Variants in DCHS2 observed in about 807,000 individuals in gnomAD.
The protein encoded by DCHS2 is protocadherin-23.
DCHS2 carries 142 observed loss-of-function variants against 182.4 expected under a neutral mutation model. The observed-to-expected ratio is 0.78, with a 90% CI of 0.68 to 0.89. The LOEUF (loss-of-function observed/expected upper bound fraction) is 0.89, where lower values mean the gene tolerates loss of function less well. Ranked by LOEUF, DCHS2 falls within the 40% of genes least tolerant of loss-of-function variation. DCHS2 has a pLI of 0.00. For missense variants in DCHS2, 4,319 were observed against 4,198.6 expected, an observed-to-expected ratio of 1.03 and a Z score of -0.79; for synonymous variants, 1,740 against 1,663.3, an observed-to-expected ratio of 1.05 and a Z score of -1.12.
At chr4:154,470,481 C>T (rs1397901271) in intron 1 of DCHS2, among the ~76,000 whole-genome samples, 1 of 58,184 alleles carries the variant, frequency 1.7e-5, no homozygotes, top group Non-Finnish European at 3.4e-5. Context: ...GAGCAAGACC[C>T]TGTCTCAAAA....
In DCHS2 at chr4:154,366,324, T is replaced by C. The variant is rs956422928; in HGVS notation, c.2362A>G (p.Thr788Ala). Reference sequence around the variant, plus strand: ...GTGGCAAGAACATTGATGATCTCGGTGCCTGGCTGGGTCTCATCACTGATG... The same window carrying C: ...GTGGCAAGAACATTGATGATCTCGGCGCCTGGCTGGGTCTCATCACTGATG... ...TSISDETQPG[T>A]EIINVLATDQ... Residue 788 changes from threonine to alanine, a missense_variant, in exon 3 of 20, where the codon ACC (threonine) becomes GCC (alanine). By Grantham distance (58) the Thr-to-Ala change is moderately conservative. Coordinates refer to ENST00000357232, the MANE Select transcript of DCHS2 (RefSeq NM_001358235.2). 1 of 1,613,836 alleles carries C rather than the reference T, an allele frequency of 6.2e-7. No individual in the cohort carries two copies.
intron 10 of DCHS2, among the ~76,000 whole-genome samples, chr4:154,307,668 A>G (rs1295663884): frequency 6.6e-6 from 1 of 152,064 alleles, no homozygotes; most frequent in East Asian, 1.9e-4. Flanking sequence ...GATCATTCCA[A>G]CCATCTCTTT....
chr4:154,451,761 G>T (rs1055850858), intron 1 of DCHS2, among the ~76,000 whole-genome samples: 1 of 152,150 alleles, frequency 6.6e-6, no homozygotes, highest in African/African-American at 2.4e-5. Flanking sequence ...AGGAGAAATG[G>T]CCAAATGTAC....
Position 154,335,049 on chromosome 4 carries a change from CA to C in DCHS2, c.2531del (p.Leu844Ter). On this transcript the variant is annotated frameshift_variant, in exon 4 of 20. Coordinates refer to ENST00000357232, the MANE Select transcript of DCHS2 (RefSeq NM_001358235.2). LOFTEE classifies it high-confidence loss of function. ...CACCACCGTCTTGAGCAGAGACCAT[CA>C]ACGAAAGTGTGGTAGATTCCAAATG... ...LSHLESTTLS[L>X]MVSAQDGGGL... The C allele has an allele frequency of 6.2e-7, 1 of 1,613,930 alleles. No homozygotes were observed. Among genetic ancestry groups the C allele is most frequent in the South Asian group, 1.1e-5 (1 of 91,068 alleles).
intron 1 of DCHS2, among the ~76,000 whole-genome samples, chr4:154,439,274 G>A (rs1326421061): frequency 6.6e-6 from 1 of 152,076 alleles, no homozygotes. Context: ...TGGGAGTTCT[G>A]GGTCAACATA....
chr4:154,488,007 G>A (rs981877967), intron 1 of DCHS2, among the ~76,000 whole-genome samples: 1 of 151,812 alleles, frequency 6.6e-6, no homozygotes. Flanking sequence ...GCTGGACCTC[G>A]TCCCTACACA....
At chr4:154,367,148 G>T (rs1431939392) in intron 2 of DCHS2, among the ~76,000 whole-genome samples, 3 of 152,222 alleles carry the variant, frequency 2.0e-5, no homozygotes, top group Non-Finnish European at 2.9e-5. Context: ...GCTCAGAGAG[G>T]CAGGAGTGAG....
In DCHS2 at chr4:154,236,774, T is replaced by C; in HGVS notation, c.7878A>G (p.Glu2626=). 1.9e-6 allele frequency: 3 copies of C among 1,614,004 alleles called. No individual in the cohort carries two copies. The highest frequency in any genetic ancestry group is 2.5e-6 in the Non-Finnish European group (3 of 1,179,974). Residue 2626 remains glutamate (E), a synonymous_variant, in exon 20 of 20, where the codon GAA becomes GAG. Coordinates refer to ENST00000357232, the MANE Select transcript of DCHS2 (RefSeq NM_001358235.2). ...YLVLLHSLDR[E]ASASHELVIL... ...TGACAAGCTCATGGCTAGCACTTGCTTCTCTGTCCAGACTGTGAAGCAACA... is the reference window on the plus strand; with the variant it reads ...TGACAAGCTCATGGCTAGCACTTGCCTCTCTGTCCAGACTGTGAAGCAACA...
chr4:154,287,314 AC>A (rs1337048688), intron 13 of DCHS2, among the ~76,000 whole-genome samples: 1 of 152,166 alleles, frequency 6.6e-6, no homozygotes, highest in Non-Finnish European at 1.5e-5. Flanking sequence ...GAATATTATA[AC>A]ACTGTAACTG....
At chr4:154,323,352 T>TG (rs1736155311) in intron 7 of DCHS2, 7 of 1,518,616 alleles carry the variant, frequency 4.6e-6, no homozygotes, top group Non-Finnish European at 6.2e-6. Flanking sequence ...AAAAAAAAGA[T>TG]GAAGTCTCTT....
Position 154,276,557 on chromosome 4 carries a change from C to A in DCHS2, c.6464-6544G>T, listed in dbSNP as rs551854599. On this transcript the variant is annotated intron_variant, in intron 13 of 19. Transcript: ENST00000357232. ...TATTCCTAAGCAATGCCAACATTTTCTTATTGATGACTGACTTGAGAGAAA... is the reference window on the plus strand; with the variant it reads ...TATTCCTAAGCAATGCCAACATTTTATTATTGATGACTGACTTGAGAGAAA... Among the ~76,000 whole-genome samples, 4 of 152,272 alleles carry A rather than the reference C, an allele frequency of 2.6e-5. No homozygotes were observed. The South Asian group carries it at 8.3e-4, about 32-fold the overall frequency.
chr4:154,461,991 G>C (rs1232293757), intron 1 of DCHS2, among the ~76,000 whole-genome samples: 1 of 152,084 alleles, frequency 6.6e-6, no homozygotes, highest in Non-Finnish European at 1.5e-5. Flanking sequence ...AGCACAAGAG[G>C]GAGGTCATGC....
At chr4:154,424,356 T>C (rs971672438) in intron 1 of DCHS2, among the ~76,000 whole-genome samples, 5 of 152,160 alleles carry the variant, frequency 3.3e-5, no homozygotes, top group African/African-American at 7.2e-5. Context: ...ATGTGTGTAC[T>C]CTCTAAAAAA....
intron 2 of DCHS2, among the ~76,000 whole-genome samples, chr4:154,372,464 C>T (rs943722260): frequency 1.3e-5 from 2 of 152,252 alleles, no homozygotes; most frequent in African/African-American, 2.4e-5. Context: ...CTTTCTTGCT[C>T]GTCTGACAAA....
chr4:154,256,396 A>G (rs1228700020), intron 15 of DCHS2, among the ~76,000 whole-genome samples: 3 of 152,114 alleles, frequency 2.0e-5, no homozygotes, highest in Non-Finnish European at 4.4e-5. Context: ...CAGCCTCCCA[A>G]AGTGCTGGGA....
intron 1 of DCHS2, among the ~76,000 whole-genome samples, chr4:154,409,154 C>G (rs1732520396): frequency 6.6e-6 from 1 of 152,148 alleles, no homozygotes; most frequent in African/African-American, 2.4e-5. Context: ...CCGCAGTACC[C>G]TGTTTCCCTG....
chr4:154,243,001 G>A (rs1244950153), intron 16 of DCHS2, among the ~76,000 whole-genome samples: 2 of 152,126 alleles, frequency 1.3e-5, no homozygotes, highest in Non-Finnish European at 1.5e-5. Flanking sequence ...AGCTGCCAGG[G>A]ATCATGAGGC....
At position 154,236,091 on chromosome 4, in the gene DCHS2, G is replaced by T. The variant is rs759109485; in HGVS notation, c.8561C>A (p.Ala2854Asp). Residue 2854 changes from alanine (A) to aspartate (D), a missense_variant, in exon 20 of 20, where the codon GCC (alanine) becomes GAC (aspartate). Coordinates refer to ENST00000357232, the MANE Select transcript of DCHS2 (RefSeq NM_001358235.2). ...NGNKYCLTVQAKDKGDATASL... is the reference protein window; with the variant it reads ...NGNKYCLTVQDKDKGDATASL... ...GGCAGTTGCATCACCTTTGTCTTTG[G>T]CTTGGACTGTGAGGCAGTATTTATT... The T allele has an allele frequency of 8.7e-6, 14 of 1,613,540 alleles. No homozygotes were observed. Among genetic ancestry groups the T allele is most frequent in the African/African-American group, 1.3e-5 (1 of 74,868 alleles).
chr4:154,429,798 A>G (rs1733483870), intron 1 of DCHS2, among the ~76,000 whole-genome samples: 1 of 152,078 alleles, frequency 6.6e-6, no homozygotes, highest in Non-Finnish European at 1.5e-5. Flanking sequence ...AGCATCATCC[A>G]GTAGTGAGTA....
Sources: allele counts gnomAD v4.1 joint callset (sites outside exome capture counted in the v4.1 genomes callset), GRCh38; gene constraint gnomAD v4.1.1; transcripts MANE v1.5; gene names NCBI Gene and HGNC (gene_info 2026-07-23, HGNC 2026-07-21).